The following ASPRV1 variants were observed in gnomAD, a reference collection of about 807,000 sequenced individuals.
ASPRV1 encodes the protein aspartic peptidase retroviral like 1.
In ASPRV1, 7 loss-of-function variants were observed where a neutral mutation model predicts 11.0. The observed-to-expected ratio is 0.64, with a 90% CI of 0.36 to 1.20. ASPRV1 has a LOEUF of 1.20. Among genes scored for constraint, ASPRV1 ranks in the 50% most tolerant of loss-of-function variants. The probability of loss-of-function intolerance (pLI) is 0.02; values close to 1 mark genes in which losing one functional copy is unlikely to be tolerated. For synonymous variants in ASPRV1, 136 were observed against 138.4 expected, an observed-to-expected ratio of 0.98 and a Z score of 0.12; for missense variants, 299 against 320.0, an observed-to-expected ratio of 0.93 and a Z score of 0.50.
chr2:70,074,007 G>T, the ASPRV1 span, among the ~76,000 whole-genome samples: 15 of 151,146 alleles, frequency 9.9e-5, no homozygotes, highest in African/African-American at 3.6e-4. Context: ...GGTGGCGGGC[G>T]CCTGTAGTCC....
the ASPRV1 span, among the ~76,000 whole-genome samples, chr2:70,044,913 G>A: frequency 2.0e-5 from 3 of 152,192 alleles, no homozygotes; most frequent in Non-Finnish European, 4.4e-5. Context: ...TTATGTAGAT[G>A]ATAGGACAGA....
the ASPRV1 span, among the ~76,000 whole-genome samples, chr2:69,946,681 G>T: frequency 6.6e-6 from 1 of 152,298 alleles, no homozygotes; most frequent in South Asian, 2.1e-4. Context: ...TACATTAGAG[G>T]GTGGGGAAGT....
chr2:70,007,175 T>A, the ASPRV1 span, among the ~76,000 whole-genome samples: 2 of 152,204 alleles, frequency 1.3e-5, no homozygotes, highest in South Asian at 4.1e-4. Flanking sequence ...ATGTGACATA[T>A]CCATTCTGTG....
At chr2:70,031,134 A>G in the ASPRV1 span, 1 of 151,910 alleles carries the variant, frequency 6.6e-6, no homozygotes, top group Admixed American at 6.6e-5. Flanking sequence ...TCTTCCCCTC[A>G]CCCCACTCCT....
chr2:70,067,381 T>G, the ASPRV1 span, among the ~76,000 whole-genome samples: 138 of 152,178 alleles, frequency 9.1e-4, no homozygotes, highest in Non-Finnish European at 1.4e-3. Flanking sequence ...AATTGGATAA[T>G]CTGGTCTAGA....
the ASPRV1 span, among the ~76,000 whole-genome samples, chr2:69,945,909 G>A: frequency 3.3e-5 from 5 of 152,298 alleles, no homozygotes; most frequent in South Asian, 1.0e-3. Context: ...GACAGTCAAC[G>A]CAGGGAGCTC....
chr2:69,980,432 T>C, the ASPRV1 span, among the ~76,000 whole-genome samples: 1 of 152,208 alleles, frequency 6.6e-6, no homozygotes, highest in Non-Finnish European at 1.5e-5. Flanking sequence ...TGTGGGAATA[T>C]AAATTTATAT....
the ASPRV1 span, among the ~76,000 whole-genome samples, chr2:70,073,459 T>C: frequency 6.6e-6 from 1 of 152,186 alleles, no homozygotes; most frequent in Non-Finnish European, 1.5e-5. Context: ...CTTGCCTCTG[T>C]TTAGAATAAG....
At chr2:69,994,485 G>C in the ASPRV1 span, among the ~76,000 whole-genome samples, 2 of 152,222 alleles carry the variant, frequency 1.3e-5, no homozygotes, top group African/African-American at 2.4e-5. Context: ...TCATGTGCTA[G>C]CTCTTCAAGG....
At chr2:69,938,229 C>G in the ASPRV1 span, 1 of 1,614,174 alleles carries the variant, frequency 6.2e-7, no homozygotes, top group Admixed American at 1.7e-5. Flanking sequence ...TATTCCAGCA[C>G]CAGCATCAAG....
chr2:69,962,749 A>G (rs145199093), upstream of ASPRV1: 1,540 of 164,332 alleles, frequency 9.4e-3, 30 homozygotes, highest in African/African-American at 0.035. Flanking sequence ...AAGGGCACCC[A>G]CTCCTCGTTG....
At chr2:70,035,771 C>T in the ASPRV1 span, among the ~76,000 whole-genome samples, 1 of 151,548 alleles carries the variant, frequency 6.6e-6, no homozygotes, top group East Asian at 2.0e-4. Flanking sequence ...ATTTTCTACT[C>T]ATTAAAGTAG....
the ASPRV1 span, among the ~76,000 whole-genome samples, chr2:69,955,050 A>G: frequency 2.6e-5 from 4 of 152,350 alleles, no homozygotes; most frequent in Admixed American, 2.0e-4. Context: ...AGTGAAAAGC[A>G]TAACAGCTTT....
chr2:69,978,228 G>A, the ASPRV1 span, among the ~76,000 whole-genome samples: 4 of 152,140 alleles, frequency 2.6e-5, no homozygotes, highest in Non-Finnish European at 2.9e-5. Flanking sequence ...TTCCCCAGGG[G>A]GCTCTGTACT....
the ASPRV1 span, among the ~76,000 whole-genome samples, chr2:70,040,349 G>A: frequency 6.6e-6 from 1 of 152,140 alleles, no homozygotes; most frequent in Non-Finnish European, 1.5e-5. Context: ...ACTCTAGCCT[G>A]AGTGACAGAG....
At chr2:69,937,384 C>T in the ASPRV1 span, 1 of 1,607,116 alleles carries the variant, frequency 6.2e-7, no homozygotes, top group Non-Finnish European at 8.5e-7. Flanking sequence ...AGCGCTCCGA[C>T]TCCGACAGGG....
chr2:69,993,068 C>G, the ASPRV1 span, among the ~76,000 whole-genome samples: 1 of 152,224 alleles, frequency 6.6e-6, no homozygotes, highest in Non-Finnish European at 1.5e-5. Context: ...GGGTGATTCA[C>G]AGAAGCAGAT....
chr2:70,033,166 G>C, the ASPRV1 span, among the ~76,000 whole-genome samples: 3 of 151,870 alleles, frequency 2.0e-5, no homozygotes, highest in African/African-American at 7.3e-5. Flanking sequence ...TTTCTTGCTG[G>C]ACTTCTTATC....
the ASPRV1 span, among the ~76,000 whole-genome samples, chr2:70,023,784 G>A: frequency 6.6e-6 from 1 of 151,558 alleles, no homozygotes; most frequent in Non-Finnish European, 1.5e-5. Context: ...ATTTTGGATT[G>A]TTGGTCTTTT....
Sources: allele counts gnomAD v4.1 joint callset (sites outside exome capture counted in the v4.1 genomes callset), GRCh38; gene constraint gnomAD v4.1.1; transcripts MANE v1.5; gene names NCBI Gene and HGNC (gene_info 2026-07-23, HGNC 2026-07-21).